The following AIG1 variants were observed in gnomAD, a reference collection of about 807,000 sequenced individuals.
AIG1 encodes androgen induced 1, also known as androgen-induced gene 1 protein.
A neutral mutation model predicts 31.4 loss-of-function variants in AIG1; 23 were observed. That is an observed-to-expected ratio of 0.73 (90% CI 0.53 to 1.04). The LOEUF (loss-of-function observed/expected upper bound fraction) is 1.04. Among genes scored for constraint, AIG1 ranks in the 50% least tolerant of loss-of-function variants. AIG1 has a pLI of 0.00. For synonymous variants in AIG1, 100 were observed against 110.5 expected (o/e 0.90, Z 0.60); for missense variants, 274 against 295.0 (o/e 0.93, Z 0.52).
rs781006947 is a variant in AIG1 at position 143,165,162 on chromosome 6, AG to A, written c.381del (p.Trp128GlyfsTer2). 15 of 1,613,164 alleles carry A rather than the reference AG, an allele frequency of 9.3e-6. No homozygotes were observed. Among genetic ancestry groups the A allele is most frequent in the Non-Finnish European group, 1.2e-5 (14 of 1,179,212 alleles). ...CGAAGCTGCTGGATAATTTTATCCC[AG>A]GGTGGCTGAATCACGGAATGGTGAG... ...YPKLLDNFIP[G>X]WLNHGMHTTV... On this transcript the variant is annotated frameshift_variant, in exon 3 of 6. Transcript: ENST00000357847. LOFTEE classifies it high-confidence loss of function.
Position 143,333,276 on chromosome 6 carries a change from T to G in AIG1, c.516-6T>G. ...TGTCCTTGTCTCCTTTCCGATTCTT[T>G]TGCAGGGTGTGCTGGGTGCATCATG... is the stretch of plus-strand genomic sequence containing the variant. On this transcript the variant is annotated splice_region_variant and splice_polypyrimidine_tract_variant and intron_variant, in intron 4 of 5. Coordinates refer to ENST00000357847, the MANE Select transcript of AIG1 (RefSeq NM_016108.4). This position sits in a 1 kb window ranked among gnomAD's most constrained non-coding sequence, Gnocchi z 4.6. 2 of 1,601,622 alleles carry G rather than the reference T, an allele frequency of 1.2e-6. No homozygotes were observed. The highest frequency in any genetic ancestry group is 1.7e-6 in the Non-Finnish European group (2 of 1,174,766).
At chr6:143,243,258 A>G (rs547192893) in intron 3 of AIG1, among the ~76,000 whole-genome samples, 1 of 152,376 alleles carries the variant, frequency 6.6e-6, no homozygotes, top group East Asian at 1.9e-4. Flanking sequence ...CAGAGTTGGA[A>G]TTATAATAAG....
At chr6:143,072,785 A>G (rs963574016) in intron 1 of AIG1, among the ~76,000 whole-genome samples, 13 of 152,224 alleles carry the variant, frequency 8.5e-5, no homozygotes, top group Admixed American at 8.5e-4. Context: ...ACATGATGTT[A>G]TGGGATATAT....
At chr6:143,161,939 T>G (rs917064247) in intron 2 of AIG1, among the ~76,000 whole-genome samples, 1 of 151,996 alleles carries the variant, frequency 6.6e-6, no homozygotes, top group African/African-American at 2.4e-5. Flanking sequence ...TTGCTGCAGA[T>G]CACAGGCAGT....
intron 3 of AIG1, among the ~76,000 whole-genome samples, chr6:143,212,746 C>T (rs1791687451): frequency 6.6e-6 from 1 of 152,044 alleles, no homozygotes; most frequent in South Asian, 2.1e-4. Flanking sequence ...GCAGTGAGTC[C>T]CTTGAATTTG....
Position 143,212,734 on chromosome 6 carries a change from G to C in AIG1, c.399+47551G>C, listed in dbSNP as rs566530651. Among the ~76,000 whole-genome samples the C allele has an allele frequency of 7.2e-4, 110 of 152,102 alleles. 2 individuals are homozygous for C. The highest frequency in any genetic ancestry group is 1.4e-3 in the Non-Finnish European group (97 of 68,026). ...AAGAGCTTCGAGTGTGTGTGTCTGT[G>C]GGCAGTGAGTCCCTTGAATTTGGCT... On this transcript the variant is annotated intron_variant, in intron 3 of 5. Transcript: ENST00000357847.
chr6:143,102,035 G>A (rs1193681947), intron 1 of AIG1, among the ~76,000 whole-genome samples: 1 of 152,118 alleles, frequency 6.6e-6, no homozygotes, highest in African/African-American at 2.4e-5. Context: ...ATGCTATTCA[G>A]TCTCCTACAG....
intron 3 of AIG1, among the ~76,000 whole-genome samples, chr6:143,267,147 A>G (rs958354139): frequency 6.6e-6 from 1 of 152,174 alleles, no homozygotes; most frequent in African/African-American, 2.4e-5. Flanking sequence ...TCTGGAAGTC[A>G]TGGTGCTTCC....
intron 3 of AIG1, among the ~76,000 whole-genome samples, chr6:143,211,058 A>C (rs1791550537): frequency 6.6e-6 from 1 of 152,190 alleles, no homozygotes; most frequent in Non-Finnish European, 1.5e-5. Context: ...AGCATTTTGC[A>C]CATATTAACT....
intron 3 of AIG1, among the ~76,000 whole-genome samples, chr6:143,239,280 A>G (rs2128637639): frequency 6.6e-6 from 1 of 152,288 alleles, no homozygotes; most frequent in Non-Finnish European, 1.5e-5. Flanking sequence ...GAAAAGGGCA[A>G]TCAAGTCCAG....
chr6:143,229,563 C>T lies in AIG1; in HGVS notation c.400-54547C>T, dbSNP rs9376733. Among the ~76,000 whole-genome samples the T allele has an allele frequency of 9.2e-3, 1,402 of 152,266 alleles. 41 individuals carry two copies. Among genetic ancestry groups the T allele is most frequent in the East Asian group, 0.065 (334 of 5,174 alleles). On this transcript the variant is annotated intron_variant, in intron 3 of 5. Coordinates refer to ENST00000357847, the MANE Select transcript of AIG1 (RefSeq NM_016108.4). ...ACCATCATTAATGCTACCACACCCTCATTTACCAGGAGACTGCTATGATGT... is the reference window on the plus strand; with the variant it reads ...ACCATCATTAATGCTACCACACCCTTATTTACCAGGAGACTGCTATGATGT...
rs1454056667 is a variant in AIG1 at position 143,334,254 on chromosome 6, C to T, written c.679+809C>T. Among the ~76,000 whole-genome samples, 1 of 152,162 alleles carries T rather than the reference C, an allele frequency of 6.6e-6. No homozygotes were observed. Among genetic ancestry groups the T allele is most frequent in the Admixed American group, 6.5e-5 (1 of 15,280 alleles). On this transcript the variant is annotated intron_variant, in intron 5 of 5. Transcript: ENST00000357847. This position sits in a 1 kb window ranked among gnomAD's most constrained non-coding sequence, Gnocchi z 5.1. ...AGATGGTTTGGAGATTTTAGGAAGC[C>T]CTGGCTCTTTCCTCTGACACAATCA...
chr6:143,121,966 T>C (rs918887690), intron 1 of AIG1, among the ~76,000 whole-genome samples: 1 of 152,224 alleles, frequency 6.6e-6, no homozygotes, highest in Non-Finnish European at 1.5e-5. Context: ...TAGTTTTGTT[T>C]ATGGTATTCT....
intron 3 of AIG1, among the ~76,000 whole-genome samples, chr6:143,203,193 T>G (rs1483709358): frequency 6.6e-6 from 1 of 152,174 alleles, no homozygotes; most frequent in Non-Finnish European, 1.5e-5. Context: ...AGATTTAATC[T>G]CTTGGAAATG....
intron 4 of AIG1, among the ~76,000 whole-genome samples, chr6:143,294,744 A>G (rs547749546): frequency 5.0e-4 from 76 of 152,204 alleles, no homozygotes; most frequent in Middle Eastern, 3.4e-3. Flanking sequence ...TGATACTAAA[A>G]CAAACCCCCC....
intron 1 of AIG1, among the ~76,000 whole-genome samples, chr6:143,075,894 T>C (rs1777688929): frequency 6.6e-6 from 1 of 152,212 alleles, no homozygotes; most frequent in East Asian, 1.9e-4. Context: ...TAGCTTTTCA[T>C]GGTTTACTTC....
At chr6:143,141,901 C>A (rs1194601914) in intron 2 of AIG1, among the ~76,000 whole-genome samples, 4 of 151,558 alleles carry the variant, frequency 2.6e-5, no homozygotes, top group Admixed American at 2.6e-4. Context: ...GGAGGGGAGG[C>A]ATGAGAGAAG....
chr6:143,184,274 A>T (rs1164473590), intron 3 of AIG1, among the ~76,000 whole-genome samples: 1 of 152,142 alleles, frequency 6.6e-6, no homozygotes, highest in Non-Finnish European at 1.5e-5. Context: ...CCATTCAGCA[A>T]GATTTAAAAC....
intron 3 of AIG1, among the ~76,000 whole-genome samples, chr6:143,174,406 G>T (rs1219162048): frequency 6.9e-6 from 1 of 145,466 alleles, no homozygotes; most frequent in Non-Finnish European, 1.5e-5. Flanking sequence ...AGAATCACTT[G>T]AACCCAGGAG....
Sources: allele counts gnomAD v4.1 joint callset (sites outside exome capture counted in the v4.1 genomes callset), GRCh38; gene constraint gnomAD v4.1.1; non-coding constraint Gnocchi (gnomAD v3.1); transcripts MANE v1.5; gene names NCBI Gene and HGNC (gene_info 2026-07-23, HGNC 2026-07-21).